OTUB2: variants seen among roughly 807,000 people sequenced by gnomAD.
The protein encoded by OTUB2 is OTU deubiquitinase, ubiquitin aldehyde binding 2, also known as ubiquitin thioesterase OTUB2.
OTUB2 carries 21 observed loss-of-function variants against 25.1 expected under a neutral mutation model. That is an observed-to-expected ratio of 0.84 (90% confidence interval 0.59 to 1.21). The LOEUF is 1.21. Ranked by LOEUF, OTUB2 falls within the 50% of genes most tolerant of loss-of-function variation. The pLI is 0.00. For synonymous variants in OTUB2, 122 were observed against 122.8 expected (o/e 0.99, Z 0.04); for missense variants, 283 against 298.0 (o/e 0.95, Z 0.37).
chr14:94,045,626 G>A, intron 5 of OTUB2, 90 bp from the exon 6 acceptor site: 1 of 1,304,872 alleles, frequency 7.7e-7, no homozygotes, highest in Non-Finnish European at 1.1e-6. Context: ...CAGAGGCTGT[G>A]ACCATGACCC....
At chr14:94,043,847 G>C (rs575448850) in intron 3 of OTUB2, 124 bp from the exon 4 acceptor site, 1 of 833,834 alleles carries the variant, frequency 1.2e-6, no homozygotes, top group Non-Finnish European at 2.1e-6. Context: ...AGGGGCGGGA[G>C]GTTCTGCGGC....
intron 3 of OTUB2, among the ~76,000 whole-genome samples, chr14:94,042,257 A>G (rs1403555966): frequency 6.6e-6 from 1 of 152,110 alleles, no homozygotes; most frequent in East Asian, 1.9e-4. Flanking sequence ...GAGGTCCCAC[A>G]CAGGCTTGTG....
At chr14:94,032,412 A>G (rs566604070) in intron 1 of OTUB2, among the ~76,000 whole-genome samples, 2 of 152,362 alleles carry the variant, frequency 1.3e-5, no homozygotes, top group Admixed American at 6.5e-5. Flanking sequence ...AGACAAATGC[A>G]TTTCATTTAT....
intron 4 of OTUB2, 146 bp from the exon 5 acceptor site, chr14:94,044,440 C>A: frequency 1.1e-6 from 1 of 885,794 alleles, no homozygotes; most frequent in Non-Finnish European, 1.7e-6. Context: ...TAGGCAGAAT[C>A]TCAGACTGAT....
chr14:94,037,307 G>A, intron 1 of OTUB2, 73 bp from the exon 2 acceptor site: 1 of 1,072,866 alleles, frequency 9.3e-7, no homozygotes, highest in Non-Finnish European at 1.4e-6. Context: ...GCAGTTCAGA[G>A]GCCACCAGCT....
chr14:94,030,232 G>C (rs1248578392), intron 1 of OTUB2, among the ~76,000 whole-genome samples: 3 of 152,066 alleles, frequency 2.0e-5, no homozygotes, highest in African/African-American at 4.8e-5. Context: ...AGCCTCCCTG[G>C]GGGGAGATGA....
intron 1 of OTUB2, among the ~76,000 whole-genome samples, chr14:94,029,878 G>A (rs953691822): frequency 2.6e-5 from 4 of 152,222 alleles, no homozygotes; most frequent in African/African-American, 9.6e-5. Context: ...AAGAAATAAA[G>A]GTGAGAGGGA....
intron 2 of OTUB2, among the ~76,000 whole-genome samples, chr14:94,038,109 G>A (rs933922721): frequency 6.6e-6 from 1 of 152,390 alleles, no homozygotes; most frequent in Non-Finnish European, 1.5e-5. Flanking sequence ...TTCCCTTCAA[G>A]TTCCTCTCAG....
intron 1 of OTUB2, among the ~76,000 whole-genome samples, chr14:94,031,675 C>T (rs1051253384): frequency 1.3e-5 from 2 of 152,206 alleles, no homozygotes; most frequent in Non-Finnish European, 2.9e-5. Context: ...ACAAAGCCCA[C>T]GTCCTTGCGC....
intron 1 of OTUB2, among the ~76,000 whole-genome samples, chr14:94,036,095 A>T (rs533738723): frequency 3.3e-5 from 5 of 152,026 alleles, no homozygotes; most frequent in African/African-American, 1.2e-4. Flanking sequence ...AAAAATCCGG[A>T]TGTATTTCTT....
chr14:94,039,418 C>T, intron 3 of OTUB2: 1 of 300,992 alleles, frequency 3.3e-6, no homozygotes, highest in Non-Finnish European at 6.2e-6. Context: ...AGAAGCTTTG[C>T]CCCGGTGTTC....
chr14:94,043,224 G>A (rs938011658), intron 3 of OTUB2, among the ~76,000 whole-genome samples: 15 of 152,250 alleles, frequency 9.9e-5, no homozygotes, highest in African/African-American at 3.6e-4. Flanking sequence ...CCTGGGTGCT[G>A]TCAGAGCCTC....
rs1389879867 is a variant in OTUB2 at position 94,048,558 on chromosome 14, ATT to A, written c.*2637_*2638del. ...AACAATACCTATGTGTCACTGGATT[ATT>A]GGTTAAAACAGAATGAGATTCCTTG... On this transcript the variant is annotated 3_prime_UTR_variant, in exon 6 of 6. Coordinates refer to ENST00000203664, the MANE Select transcript of OTUB2 (RefSeq NM_023112.4). The A allele has an allele frequency of 1.3e-5, 2 of 152,346 alleles. No individual in the cohort carries two copies. Among genetic ancestry groups the A allele is most frequent in the African/African-American group, 4.8e-5 (2 of 41,578 alleles). 9.4% of individuals were successfully genotyped at this position (152,346 alleles called of 1,614,324 possible).
rs367781078 is a variant in OTUB2 at position 94,045,760 on chromosome 14, G to A, written c.543G>A (p.Thr181=). The A allele has an allele frequency of 3.0e-5, 48 of 1,614,062 alleles. No individual in the cohort carries two copies. In the African/African-American group the frequency reaches 3.6e-4, roughly 12 times the overall value. The change falls in exon 6 of 6, where the codon ACG becomes ACA. Residue 181 remains threonine, a synonymous_variant. Coordinates refer to ENST00000203664, the MANE Select transcript of OTUB2 (RefSeq NM_023112.4). ...MATECDHIQI[T]ALSQALSIAL... ...CGGAGTGTGACCACATCCAGATCAC[G>A]GCGTTGTCGCAGGCCCTGAGCATTG...
intron 1 of OTUB2, among the ~76,000 whole-genome samples, chr14:94,029,805 AT>A (rs1312606600): frequency 3.3e-5 from 5 of 152,198 alleles, no homozygotes; most frequent in African/African-American, 1.2e-4. Flanking sequence ...TGGAATTGGC[AT>A]TCCAGTGGAG....
chr14:94,044,206 GCCCTCACCCTATT>G (rs1331708268), intron 4 of OTUB2, 151 bp downstream of exon 4: 29 of 801,050 alleles, frequency 3.6e-5, no homozygotes, highest in African/African-American at 1.7e-4. Flanking sequence ...GGCACAGGGA[GCCCTCACCCTATT>G]CCCTCACCCT....
At chr14:94,029,540 A>G (rs1045391587) in intron 1 of OTUB2, among the ~76,000 whole-genome samples, 1 of 152,134 alleles carries the variant, frequency 6.6e-6, no homozygotes, top group African/African-American at 2.4e-5. Flanking sequence ...TCCTCTTTTT[A>G]TAAGGACACC....
chr14:94,035,057 C>T (rs1161083833), intron 1 of OTUB2, among the ~76,000 whole-genome samples: 4 of 152,142 alleles, frequency 2.6e-5, no homozygotes, highest in Admixed American at 2.0e-4. Flanking sequence ...TGTCTGATTC[C>T]TCCTGATGGC....
Position 94,044,581 on chromosome 14 carries a change from C to A in OTUB2, c.304-5C>A. 1 of 1,603,126 alleles carries A rather than the reference C, an allele frequency of 6.2e-7. No individual in the cohort carries two copies. The highest frequency in any genetic ancestry group is 8.5e-7 in the Non-Finnish European group (1 of 1,171,842). On this transcript the variant is annotated splice_polypyrimidine_tract_variant and splice_region_variant and intron_variant, in intron 4 of 5. Transcript: ENST00000203664. ...CCTCCCTAGCTGAGGGCCGGGCGGG[C>A]GCAGTTTTACAGTGTGGTGGAACTG...
Sources: allele counts gnomAD v4.1 joint callset (sites outside exome capture counted in the v4.1 genomes callset), GRCh38; gene constraint gnomAD v4.1.1; transcripts MANE v1.5; gene names NCBI Gene and HGNC (gene_info 2026-07-23, HGNC 2026-07-21).